STAG1: variants seen among roughly 807,000 people sequenced by gnomAD.
The protein encoded by STAG1 is cohesin subunit SA-1.
In STAG1, 26 loss-of-function variants were observed where a neutral mutation model predicts 170.9. That is an observed-to-expected ratio of 0.15 (90% CI 0.11 to 0.21). The LOEUF (loss-of-function observed/expected upper bound fraction) is 0.21, where lower values mean the gene tolerates loss of function less well. Among genes scored for constraint, STAG1 ranks in the 10% least tolerant of loss-of-function variants. STAG1 has a pLI of 1.00. For synonymous variants in STAG1, 514 were observed against 497.7 expected (o/e 1.03, Z -0.44); for missense variants, 964 against 1,509.5 (o/e 0.64, Z 5.99).
At chr3:136,432,870 T>C (rs2088349141) in intron 16 of STAG1, among the ~76,000 whole-genome samples, 2 of 152,220 alleles carry the variant, frequency 1.3e-5, no homozygotes, top group Admixed American at 1.3e-4. Flanking sequence ...ACAGATCTTA[T>C]CGACCAAGCA....
chr3:136,673,410 T>C (rs1942035734), intron 1 of STAG1, among the ~76,000 whole-genome samples: 1 of 152,146 alleles, frequency 6.6e-6, no homozygotes, highest in African/African-American at 2.4e-5. Context: ...TTATTTTATT[T>C]TGGGGGAAAA....
intron 1 of STAG1, among the ~76,000 whole-genome samples, chr3:136,726,419 A>T (rs1398229143): frequency 1.3e-5 from 2 of 152,130 alleles, no homozygotes; most frequent in Admixed American, 1.3e-4. Flanking sequence ...GAGAACCACT[A>T]AGCTAGAAGA....
chr3:136,532,639 T>C (rs909150776), intron 6 of STAG1, among the ~76,000 whole-genome samples: 1 of 152,120 alleles, frequency 6.6e-6, no homozygotes, highest in African/African-American at 2.4e-5. Flanking sequence ...ATGTGATACA[T>C]AACATCAACA....
At chr3:136,416,297 C>T (rs767563614) in intron 21 of STAG1, among the ~76,000 whole-genome samples, 2 of 152,144 alleles carry the variant, frequency 1.3e-5, no homozygotes, top group African/African-American at 2.4e-5. Flanking sequence ...TGAGCCACCG[C>T]GCCCAGCCCC....
In STAG1 at chr3:136,345,387, T is replaced by C. The variant is rs368368456; in HGVS notation, c.3272-1381A>G. On this transcript the variant is annotated intron_variant, in intron 29 of 33. Coordinates refer to ENST00000383202, the MANE Select transcript of STAG1 (RefSeq NM_005862.3). ...TACAGGTGTAAGCCACCAGCTAAGA[T>C]GGTTTATAAAGATTTGAGCAGATTA... 4.0e-5 allele frequency among the ~76,000 whole-genome samples: 6 copies of C among 151,728 alleles called. No individual in the cohort carries two copies. The East Asian group carries it at 5.8e-4, about 15-fold the overall frequency.
chr3:136,695,853 A>G (rs906262262), intron 1 of STAG1, among the ~76,000 whole-genome samples: 1 of 150,026 alleles, frequency 6.7e-6, no homozygotes, highest in Non-Finnish European at 1.5e-5. Flanking sequence ...ATCAAAGAGT[A>G]CATAGTTCTG....
intron 22 of STAG1, among the ~76,000 whole-genome samples, chr3:136,391,680 T>G (rs1379457702): frequency 6.6e-6 from 1 of 152,268 alleles, no homozygotes; most frequent in Non-Finnish European, 1.5e-5. Context: ...CGGCCCATTT[T>G]AGCCCTAACT....
At chr3:136,751,742 A>G (rs1935255082) in intron 1 of STAG1, among the ~76,000 whole-genome samples, 1 of 151,772 alleles carries the variant, frequency 6.6e-6, no homozygotes, top group Non-Finnish European at 1.5e-5. Flanking sequence ...CAGGCGGCGG[A>G]AGGCATTCGC....
chr3:136,371,810 T>C (rs891791601), intron 23 of STAG1, among the ~76,000 whole-genome samples: 9 of 152,216 alleles, frequency 5.9e-5, no homozygotes, highest in Admixed American at 5.2e-4. Flanking sequence ...GCTTTGTTCT[T>C]TTGGCTTAGG....
chr3:136,543,732 A>G (rs1467428162), intron 5 of STAG1, among the ~76,000 whole-genome samples: 1 of 152,232 alleles, frequency 6.6e-6, no homozygotes, highest in African/African-American at 2.4e-5. Flanking sequence ...CCTTTCTTCA[A>G]TGTTCTAACT....
intron 1 of STAG1, among the ~76,000 whole-genome samples, chr3:136,680,107 C>T (rs1218670876): frequency 5.3e-5 from 8 of 151,054 alleles, no homozygotes; most frequent in African/African-American, 1.5e-4. Flanking sequence ...CCTGTCTCTA[C>T]TAAAAATACA....
At chr3:136,487,060 G>C (rs144375203) in intron 9 of STAG1, among the ~76,000 whole-genome samples, 81 of 134,670 alleles carry the variant, frequency 6.0e-4, no homozygotes, top group Non-Finnish European at 1.1e-3. Flanking sequence ...GTGCAGGTTT[G>C]TTATACAGGT....
chr3:136,616,224 G>C lies in STAG1; in HGVS notation c.132+6922C>G, dbSNP rs183602258. 2.4e-3 allele frequency among the ~76,000 whole-genome samples: 370 copies of C among 151,168 alleles called. 2 individuals carry two copies. Among genetic ancestry groups the C allele is most frequent in the African/African-American group, 8.3e-3 (343 of 41,148 alleles). ...GCGGAACTTGCAGTGAGCCGAGATCGCGCCACTGCACTCCAGCCTGGGCGA... is the reference window on the plus strand; with the variant it reads ...GCGGAACTTGCAGTGAGCCGAGATCCCGCCACTGCACTCCAGCCTGGGCGA... On this transcript the variant is annotated intron_variant, in intron 3 of 33. Coordinates refer to ENST00000383202, the MANE Select transcript of STAG1 (RefSeq NM_005862.3).
intron 16 of STAG1, among the ~76,000 whole-genome samples, chr3:136,425,967 GTT>G (rs527582100): frequency 6.8e-6 from 1 of 147,956 alleles, no homozygotes; most frequent in Non-Finnish European, 1.5e-5. Context: ...TTATCTCTCA[GTT>G]TTTTTTTTCT....
chr3:136,373,464 C>T (rs1045009440), intron 23 of STAG1, among the ~76,000 whole-genome samples: 6 of 151,974 alleles, frequency 3.9e-5, no homozygotes, highest in South Asian at 2.1e-4. Context: ...TAGATCTTTC[C>T]GGCTTTCTCT....
intron 1 of STAG1, among the ~76,000 whole-genome samples, chr3:136,680,328 T>C (rs988037365): frequency 1.3e-5 from 2 of 152,176 alleles, no homozygotes; most frequent in African/African-American, 2.4e-5. Context: ...AAGCTGTTAT[T>C]AGTGAAAAAG....
intron 6 of STAG1, among the ~76,000 whole-genome samples, chr3:136,530,735 T>C (rs9858457): frequency 0.36 from 55,321 of 151,964 alleles, 11,130 homozygotes; most frequent in African/African-American, 0.53. Flanking sequence ...AAACACAACA[T>C]ACCAAAACCT....
chr3:136,626,242 A>G (rs1940086926), intron 2 of STAG1, among the ~76,000 whole-genome samples: 1 of 152,162 alleles, frequency 6.6e-6, no homozygotes, highest in South Asian at 2.1e-4. Context: ...CCTGGCCAAC[A>G]TAGTGAAACC....
intron 1 of STAG1, among the ~76,000 whole-genome samples, chr3:136,666,935 T>C (rs1291105372): frequency 3.9e-5 from 6 of 151,936 alleles, no homozygotes; most frequent in Non-Finnish European, 7.4e-5. Flanking sequence ...GCTGAGCATC[T>C]AGAAAGAAAA....
Sources: gnomAD v4.1 joint callset for allele counts (sites outside exome capture counted in the v4.1 genomes callset) on GRCh38, gnomAD v4.1.1 for gene constraint, MANE v1.5 for transcripts, NCBI Gene and HGNC (gene_info 2026-07-23, HGNC 2026-07-21) for gene names.